SLC71A2: variants seen among roughly 807,000 people sequenced by gnomAD.
SLC71A2 encodes the protein hippocampus abundant transcript-like 1.
At chr9:94,451,703 T>C in the SLC71A2 span, among the ~76,000 whole-genome samples, 1 of 152,218 alleles carries the variant, frequency 6.6e-6, no homozygotes, top group Non-Finnish European at 1.5e-5. Flanking sequence ...ATCAAGAAAC[T>C]GATGTGAATG....
the SLC71A2 span, among the ~76,000 whole-genome samples, chr9:94,451,273 A>G: frequency 2.6e-5 from 4 of 152,234 alleles, no homozygotes; most frequent in Non-Finnish European, 5.9e-5. Flanking sequence ...GTGCCTGCTT[A>G]TAACGATTTC....
At chr9:94,396,653 A>G in the SLC71A2 span, among the ~76,000 whole-genome samples, 2 of 152,224 alleles carry the variant, frequency 1.3e-5, no homozygotes, top group Non-Finnish European at 2.9e-5. Flanking sequence ...AAAAGCAGCC[A>G]TAGACAGACA....
At chr9:94,411,137 T>A in the SLC71A2 span, among the ~76,000 whole-genome samples, 2 of 150,972 alleles carry the variant, frequency 1.3e-5, no homozygotes, top group East Asian at 1.9e-4. Context: ...GTTCTTTTTT[T>A]AAATTGTTAA....
the SLC71A2 span, among the ~76,000 whole-genome samples, chr9:94,434,317 TGTC>T: frequency 6.6e-6 from 1 of 152,172 alleles, no homozygotes; most frequent in African/African-American, 2.4e-5. Flanking sequence ...ATTCAAGACT[TGTC>T]TTTTTTATTT....
At chr9:94,382,386 G>C in the SLC71A2 span, among the ~76,000 whole-genome samples, 2 of 151,174 alleles carry the variant, frequency 1.3e-5, no homozygotes, top group African/African-American at 4.9e-5. Flanking sequence ...CTTGTCTTTT[G>C]CCTATTTTTT....
chr9:94,410,970 TG>T, the SLC71A2 span, among the ~76,000 whole-genome samples: 1 of 152,166 alleles, frequency 6.6e-6, no homozygotes, highest in African/African-American at 2.4e-5. Flanking sequence ...TTTGCCATGT[TG>T]GCCAGGCTGG....
At chr9:94,444,853 AGT>A in the SLC71A2 span, 4 of 899,488 alleles carry the variant, frequency 4.4e-6, no homozygotes, top group African/African-American at 6.6e-5. Context: ...ACCCTGGTTG[AGT>A]GTGCTTTCCT....
chr9:94,400,289 A>C, the SLC71A2 span, among the ~76,000 whole-genome samples: 3 of 152,066 alleles, frequency 2.0e-5, no homozygotes, highest in African/African-American at 7.2e-5. Flanking sequence ...CTGACCTATG[A>C]GGGGAAAGAG....
At chr9:94,431,307 C>T in the SLC71A2 span, among the ~76,000 whole-genome samples, 4 of 142,994 alleles carry the variant, frequency 2.8e-5, no homozygotes, top group South Asian at 2.2e-4. Context: ...AGCGAGACTC[C>T]GTCTCAAAAA....
At chr9:94,400,932 G>A in the SLC71A2 span, among the ~76,000 whole-genome samples, 2 of 152,088 alleles carry the variant, frequency 1.3e-5, no homozygotes, top group African/African-American at 2.4e-5. Flanking sequence ...TGCTTTTTCC[G>A]GAATGCCCTT....
the SLC71A2 span, among the ~76,000 whole-genome samples, chr9:94,388,458 G>A: frequency 6.6e-6 from 1 of 152,196 alleles, no homozygotes; most frequent in Non-Finnish European, 1.5e-5. Context: ...ATATTTGTAA[G>A]ATATGTATGT....
the SLC71A2 span, chr9:94,459,638 G>GAAATACTTCCTTGCAAAT: frequency 2.2e-5 from 10 of 463,914 alleles, no homozygotes; most frequent in African/African-American, 2.1e-4. Context: ...GATAAGATTT[G>GAAATACTTCCTTGCAAAT]AAATACTTCC....
the SLC71A2 span, among the ~76,000 whole-genome samples, chr9:94,428,055 G>A: frequency 6.6e-6 from 1 of 152,002 alleles, no homozygotes; most frequent in Non-Finnish European, 1.5e-5. Context: ...CCTGAGAGGC[G>A]GGGGTTGCAG....
At chr9:94,415,051 G>A in the SLC71A2 span, 2 of 741,114 alleles carry the variant, frequency 2.7e-6, no homozygotes, top group East Asian at 2.7e-5. Context: ...GACAGAGGTA[G>A]GCCCTAAATT....
chr9:94,418,049 G>A, the SLC71A2 span, among the ~76,000 whole-genome samples: 1,213 of 151,818 alleles, frequency 8.0e-3, 17 homozygotes, highest in African/African-American at 0.028. Context: ...TAGAGACGAC[G>A]GGAGGGTTTC....
At chr9:94,460,911 G>T in the SLC71A2 span, 1 of 149,606 alleles carries the variant, frequency 6.7e-6, no homozygotes, top group Admixed American at 6.8e-5. Flanking sequence ...ATTTACAGTG[G>T]TTACTTTTAT....
chr9:94,393,761 A>G, the SLC71A2 span, among the ~76,000 whole-genome samples: 2 of 144,918 alleles, frequency 1.4e-5, no homozygotes, highest in Non-Finnish European at 3.1e-5. Flanking sequence ...TGTTGCTGCT[A>G]TTGTTGCTGC....
chr9:94,428,820 TTC>T, the SLC71A2 span, among the ~76,000 whole-genome samples: 1 of 151,986 alleles, frequency 6.6e-6, no homozygotes, highest in Non-Finnish European at 1.5e-5. Context: ...GCTCTGCCTA[TTC>T]ATCCCTCCCT....
the SLC71A2 span, among the ~76,000 whole-genome samples, chr9:94,426,208 G>A: frequency 0.093 from 13,779 of 148,374 alleles, 1,176 homozygotes; most frequent in East Asian, 0.32. Context: ...ATCTCATTCC[G>A]TTCAATCCTG....
Sources: gnomAD v4.1 joint callset for allele counts (sites outside exome capture counted in the v4.1 genomes callset) on GRCh38, gnomAD v4.1.1 for gene constraint, MANE v1.5 for transcripts, NCBI Gene and HGNC (gene_info 2026-07-23, HGNC 2026-07-21) for gene names.